The following GLI3 variants were observed in gnomAD, a reference collection of about 807,000 sequenced individuals.
The protein encoded by GLI3 is GLI family zinc finger 3.
A neutral mutation model predicts 100.8 loss-of-function variants in GLI3; 20 were observed. The ratio of observed to expected loss-of-function variants is 0.20; its 90% CI spans 0.14 to 0.29. GLI3 has a LOEUF of 0.29. Among genes scored for constraint, GLI3 ranks in the 10% least tolerant of loss-of-function variants. The pLI is 1.00. For missense variants in GLI3, 2,040 were observed against 2,128.5 expected, an observed-to-expected ratio of 0.96 and a Z score of 0.82; for synonymous variants, 938 against 860.5, an observed-to-expected ratio of 1.09 and a Z score of -1.58.
intron 3 of GLI3, among the ~76,000 whole-genome samples, chr7:42,094,850 C>T (rs1324916602): frequency 3.9e-5 from 6 of 152,188 alleles, no homozygotes; most frequent in South Asian, 2.1e-4. Context: ...CTCCAAGGAG[C>T]CCCAGAGGGG....
In GLI3 at chr7:42,100,758, G is replaced by A. The variant is rs371445222; in HGVS notation, c.368-23901C>T. ...CTCTTTCCAAGAAAAAGAAGAGGGGGTGGGGGTTTGTACACAGACACACCA... is the reference window on the plus strand; with the variant it reads ...CTCTTTCCAAGAAAAAGAAGAGGGGATGGGGGTTTGTACACAGACACACCA... On this transcript the variant is annotated intron_variant, in intron 3 of 14. Coordinates refer to ENST00000395925, the MANE Select transcript of GLI3 (RefSeq NM_000168.6). Among the ~76,000 whole-genome samples the A allele has an allele frequency of 1.5e-4, 23 of 152,116 alleles. No individual in the cohort carries two copies. The East Asian group carries it at 2.7e-3, about 18-fold the overall frequency.
At chr7:42,115,968 G>A (rs1195324908) in intron 3 of GLI3, among the ~76,000 whole-genome samples, 2 of 151,910 alleles carry the variant, frequency 1.3e-5, no homozygotes, top group South Asian at 4.2e-4. Flanking sequence ...TCCCTCAGAA[G>A]TCCTGAGGAA....
chr7:41,974,306 A>G (rs1787445429), intron 12 of GLI3, among the ~76,000 whole-genome samples: 1 of 152,218 alleles, frequency 6.6e-6, no homozygotes, highest in African/African-American at 2.4e-5. Context: ...GAACATACAC[A>G]TTATCTACCC....
At chr7:42,117,109 C>T (rs1785878471) in intron 3 of GLI3, among the ~76,000 whole-genome samples, 1 of 152,196 alleles carries the variant, frequency 6.6e-6, no homozygotes, top group African/African-American at 2.4e-5. Flanking sequence ...GTTCTTTAAA[C>T]TAATTCTAAC....
At chr7:42,125,735 A>G (rs1786109906) in intron 3 of GLI3, among the ~76,000 whole-genome samples, 1 of 152,222 alleles carries the variant, frequency 6.6e-6, no homozygotes, top group South Asian at 2.1e-4. Context: ...CATAATACAG[A>G]GCTGTCCTCA....
At chr7:42,038,476 G>A (rs978323974) in intron 7 of GLI3, among the ~76,000 whole-genome samples, 5 of 152,206 alleles carry the variant, frequency 3.3e-5, no homozygotes, top group African/African-American at 7.2e-5. Context: ...AGAGCTGAGA[G>A]GTAAGTTAGG....
intron 2 of GLI3, among the ~76,000 whole-genome samples, chr7:42,202,049 T>C (rs1788050269): frequency 7.9e-6 from 1 of 126,696 alleles, no homozygotes; most frequent in African/African-American, 3.1e-5. Flanking sequence ...GCCACTGCAC[T>C]CCAGCCTGGA....
chr7:42,239,436 C>T (rs1472684399), upstream of GLI3, among the ~76,000 whole-genome samples: 5 of 151,918 alleles, frequency 3.3e-5, no homozygotes, highest in Non-Finnish European at 5.9e-5. Flanking sequence ...AAGAGAATTG[C>T]AAGCCACTCT....
Position 41,972,446 on chromosome 7 carries a change from G to A in GLI3, c.1994C>T (p.Pro665Leu). ...AAGGGCTCCCTGAGTCGGTCGGCCA[G>A]GCGACCTGGACTGTGAATGGCTGCC... Reference protein sequence around the residue: ...DSGSHSQSRSPGRPTQGALGE... With the variant: ...DSGSHSQSRSLGRPTQGALGE... Residue 665 changes from proline (P) to leucine (L), a missense_variant, in exon 13 of 15, where the codon CCT (proline) becomes CTT (leucine). Pro to Leu is a moderately conservative substitution (Grantham distance 98). This residue lies in a region of GLI3 where 327 missense variants were observed against 338.7 expected (regional missense o/e 0.97). Transcript: ENST00000395925. The surrounding 1 kb of genome is among the most constrained non-coding windows in gnomAD (Gnocchi z 4.4). 6.2e-7 allele frequency: 1 copy of A among 1,613,958 alleles called. No homozygotes were observed. The highest frequency in any genetic ancestry group is 8.5e-7 in the Non-Finnish European group (1 of 1,180,004).
In GLI3 at chr7:41,965,648, T is replaced by C. The variant is rs1787147549; in HGVS notation, c.3425A>G (p.Gln1142Arg). 1 of 1,612,300 alleles carries C rather than the reference T, an allele frequency of 6.2e-7. No homozygotes were observed. The highest frequency in any genetic ancestry group is 1.1e-5 in the South Asian group (1 of 91,034). ...PGLPDSHAGQQFHALEQPCPE... is the reference protein window; with the variant it reads ...PGLPDSHAGQRFHALEQPCPE... The stretch of plus-strand genomic sequence containing the variant: ...GCAGGGCTGCTCGAGGGCATGGAAC[T>C]GCTGGCCAGCGTGGCTGTCTGGCAG... The change falls in exon 15 of 15, where the codon CAG (glutamine) becomes CGG (arginine). Residue 1142 changes from glutamine to arginine, a missense_variant. By Grantham distance (43) the Gln-to-Arg change is conservative (BLOSUM62 1). Coordinates refer to ENST00000395925, the MANE Select transcript of GLI3 (RefSeq NM_000168.6).
chr7:42,135,604 T>C (rs1236220059), intron 3 of GLI3, among the ~76,000 whole-genome samples: 1 of 152,248 alleles, frequency 6.6e-6, no homozygotes, highest in Non-Finnish European at 1.5e-5. Flanking sequence ...CAGAGCTCTC[T>C]GTGTCAGTCT....
At chr7:42,162,197 TG>T (rs1787144166) in intron 2 of GLI3, among the ~76,000 whole-genome samples, 1 of 152,200 alleles carries the variant, frequency 6.6e-6, no homozygotes, top group Non-Finnish European at 1.5e-5. Flanking sequence ...GTTTTGACTG[TG>T]GGGGGATAGA....
intron 1 of GLI3, among the ~76,000 whole-genome samples, chr7:42,244,764 C>G (rs1788955879): frequency 6.6e-6 from 1 of 151,644 alleles, no homozygotes; most frequent in African/African-American, 2.4e-5. Flanking sequence ...AGATAGCCAT[C>G]AAAGTTAGTT....
At chr7:42,017,395 T>G (rs557381599) in intron 10 of GLI3, among the ~76,000 whole-genome samples, 1 of 152,110 alleles carries the variant, frequency 6.6e-6, no homozygotes, top group African/African-American at 2.4e-5. Context: ...ATACAACGGA[T>G]GAATGAATTA....
chr7:42,221,085 G>T (rs1788476940), intron 2 of GLI3, among the ~76,000 whole-genome samples: 1 of 152,214 alleles, frequency 6.6e-6, no homozygotes, highest in East Asian at 1.9e-4. Flanking sequence ...TAACACTGCA[G>T]CACAAACATT....
intron 10 of GLI3, among the ~76,000 whole-genome samples, chr7:42,017,085 G>A (rs1238939721): frequency 8.5e-5 from 13 of 152,206 alleles, no homozygotes; most frequent in Non-Finnish European, 1.9e-4. Context: ...GCAAATGGCT[G>A]ATCCACTAAT....
intron 10 of GLI3, among the ~76,000 whole-genome samples, chr7:42,005,651 G>C (rs1788440411): frequency 6.6e-6 from 1 of 152,102 alleles, no homozygotes; most frequent in Non-Finnish European, 1.5e-5. Flanking sequence ...CCTGTCCACT[G>C]TTCAGACACC....
intron 12 of GLI3, 91 bp downstream of exon 12, chr7:41,977,467 A>G (rs2128712169): frequency 5.1e-6 from 7 of 1,383,506 alleles, no homozygotes; most frequent in Non-Finnish European, 7.1e-6. Context: ...AGGGGAAAAC[A>G]AAACAGAACA....
chr7:42,063,592 A>C (rs562787277), intron 4 of GLI3, among the ~76,000 whole-genome samples: 69 of 152,350 alleles, frequency 4.5e-4, no homozygotes, highest in African/African-American at 1.6e-3. Context: ...AACACTATAG[A>C]TTGTAAAATA....
Sources: gnomAD v4.1 joint callset for allele counts (sites outside exome capture counted in the v4.1 genomes callset) on GRCh38, gnomAD v4.1.1 for gene constraint, gnomAD v4.1.1 regional missense constraint, Gnocchi (gnomAD v3.1) non-coding constraint, MANE v1.5 for transcripts, NCBI Gene and HGNC (gene_info 2026-07-23, HGNC 2026-07-21) for gene names.